Variants in MAST4 observed in about 807,000 individuals in gnomAD.
The protein encoded by MAST4 is microtubule associated serine/threonine kinase family member 4.
In MAST4, 89 loss-of-function variants were observed where a neutral mutation model predicts 162.7. The ratio of observed to expected loss-of-function variants is 0.55; its 90% CI spans 0.46 to 0.65. The LOEUF (loss-of-function observed/expected upper bound fraction) is 0.65, where lower values mean the gene tolerates loss of function less well. Ranked by LOEUF, MAST4 falls within the 30% of genes least tolerant of loss-of-function variation. The probability of loss-of-function intolerance (pLI) is 0.00; values close to 1 mark genes in which losing one functional copy is unlikely to be tolerated. For missense variants in MAST4, 3,153 were observed against 3,374.0 expected (o/e 0.93, Z 1.62); for synonymous variants, 1,479 against 1,361.1 (o/e 1.09, Z -1.91).
chr5:66,950,262 G>C lies in MAST4; in HGVS notation c.674+50280G>C, dbSNP rs151029185. ...TTTTTCTTTTTTTTCTTAGTTGTGG[G>C]GAATATACCTAACATAAAATTTTTG... On this transcript the variant is annotated intron_variant, in intron 4 of 28. Coordinates refer to ENST00000403625, the MANE Select transcript of MAST4 (RefSeq NM_001164664.2). Among the ~76,000 whole-genome samples, 641 of 151,298 alleles carry C rather than the reference G, an allele frequency of 4.2e-3. 3 individuals are homozygous for C. Among genetic ancestry groups the C allele is most frequent in the Non-Finnish European group, 6.8e-3 (459 of 67,852 alleles).
chr5:66,859,346 C>T (rs956118265), intron 3 of MAST4, among the ~76,000 whole-genome samples: 1 of 152,124 alleles, frequency 6.6e-6, no homozygotes, highest in African/African-American at 2.4e-5. Context: ...TTTAGACATT[C>T]CTTAATACTA....
In MAST4 at chr5:66,857,464, C is replaced by G. The variant is rs183988355; in HGVS notation, c.643-42487C>G. Among the ~76,000 whole-genome samples, 90 of 152,290 alleles carry G rather than the reference C, an allele frequency of 5.9e-4. 1 individual carries two copies. In the East Asian group the frequency reaches 0.015, roughly 25 times the overall value. ...GGTTCTATAGTATACACATTTTTAACCTTAATGGATATTGCAGTAAACTTG... is the reference window on the plus strand; with the variant it reads ...GGTTCTATAGTATACACATTTTTAAGCTTAATGGATATTGCAGTAAACTTG... On this transcript the variant is annotated intron_variant, in intron 3 of 28. Coordinates refer to ENST00000403625, the MANE Select transcript of MAST4 (RefSeq NM_001164664.2).
At chr5:67,035,214 C>T (rs563144603) in intron 4 of MAST4, among the ~76,000 whole-genome samples, 16 of 152,212 alleles carry the variant, frequency 1.1e-4, no homozygotes, top group African/African-American at 3.9e-4. Context: ...CTTTGATTAG[C>T]GTTGCTGTGA....
rs1376592393 is a variant in MAST4 at position 66,830,431 on chromosome 5, A to C, written c.642+41637A>C. On this transcript the variant is annotated intron_variant, in intron 3 of 28. Coordinates refer to ENST00000403625, the MANE Select transcript of MAST4 (RefSeq NM_001164664.2). ...AAAATAATGGAGCTATTTTCTATTT[A>C]AAATATTTGCTACAAAACAAAGGAA... Among the ~76,000 whole-genome samples, 4 of 152,168 alleles carry C rather than the reference A, an allele frequency of 2.6e-5. 1 individual carries two copies. Among genetic ancestry groups the C allele is most frequent in the Non-Finnish European group, 5.9e-5 (4 of 68,008 alleles).
intron 4 of MAST4, among the ~76,000 whole-genome samples, chr5:66,947,376 G>C (rs918013591): frequency 1.5e-4 from 23 of 152,180 alleles, no homozygotes; most frequent in African/African-American, 5.5e-4. Flanking sequence ...TCCCTACAAA[G>C]AAAAATGTAT....
chr5:66,740,299 C>T (rs906681964), intron 1 of MAST4, among the ~76,000 whole-genome samples: 1 of 152,214 alleles, frequency 6.6e-6, no homozygotes, highest in African/African-American at 2.4e-5. Flanking sequence ...TATGTCTTGG[C>T]TCAGAACATT....
chr5:66,722,460 T>C (rs1021257515), intron 1 of MAST4, among the ~76,000 whole-genome samples: 1 of 151,484 alleles, frequency 6.6e-6, no homozygotes, highest in African/African-American at 2.4e-5. Flanking sequence ...TGGGTTTTTT[T>C]TTTTTTACAT....
chr5:66,910,776 G>T (rs1763705082), intron 4 of MAST4, among the ~76,000 whole-genome samples: 1 of 116,448 alleles, frequency 8.6e-6, no homozygotes, highest in African/African-American at 3.6e-5. Flanking sequence ...TTTTGAGATG[G>T]AATCTCACTC....
intron 2 of MAST4, among the ~76,000 whole-genome samples, chr5:66,772,836 T>C (rs1404990415): frequency 6.6e-6 from 1 of 152,156 alleles, no homozygotes; most frequent in Non-Finnish European, 1.5e-5. Context: ...TCAAGGTCCC[T>C]TTGAGTTGAG....
At position 66,720,563 on chromosome 5, in the gene MAST4, A is replaced by G. The variant is rs1286050497; in HGVS notation, c.364-39146A>G. Among the ~76,000 whole-genome samples, 6 of 152,176 alleles carry G rather than the reference A, an allele frequency of 3.9e-5. 1 individual carries two copies. In the South Asian group the frequency reaches 1.0e-3, roughly 26 times the overall value. On this transcript the variant is annotated intron_variant, in intron 1 of 28. Transcript: ENST00000403625. ...TTCCTTTGTCTCTTTGGCTCTATCC[A>G]TCTTATTTCCTATGTTGTATAATTG...
At chr5:66,691,609 C>T (rs192229376) in intron 1 of MAST4, among the ~76,000 whole-genome samples, 9 of 152,202 alleles carry the variant, frequency 5.9e-5, no homozygotes, top group East Asian at 1.9e-4. Context: ...GCAGATTCAT[C>T]GTCTCGTTAG....
At chr5:66,864,387 G>A (rs527619626) in intron 3 of MAST4, among the ~76,000 whole-genome samples, 5 of 152,254 alleles carry the variant, frequency 3.3e-5, no homozygotes, top group African/African-American at 1.2e-4. Flanking sequence ...GCAAAGACCA[G>A]TGTGGCTGCA....
In MAST4 at chr5:67,166,347, G is replaced by A. The variant is rs981721875; in HGVS notation, c.7168G>A (p.Gly2390Ser). ...AGCAGAGGGCGACAAGCTCGAGGCC[G>A]GCCTTTCCTTTGTGCATAGCGAGAA... ...APAEGDKLEA[G>S]LSFVHSENRL... The change falls in exon 29 of 29, where the codon GGC (glycine) becomes AGC (serine). Residue 2390 changes from glycine to serine, a missense_variant. Physicochemically the swap from Gly to Ser is moderately conservative, Grantham distance 56. Transcript: ENST00000403625. 4.4e-6 allele frequency: 7 copies of A among 1,607,440 alleles called. No homozygotes were observed. In the African/African-American group the frequency reaches 8.0e-5, roughly 18 times the overall value.
chr5:66,741,052 G>A (rs1224071933), intron 1 of MAST4, among the ~76,000 whole-genome samples: 1 of 152,192 alleles, frequency 6.6e-6, no homozygotes, highest in Admixed American at 6.6e-5. Flanking sequence ...AGGAGACATT[G>A]CTCACCCACC....
intron 3 of MAST4, among the ~76,000 whole-genome samples, chr5:66,805,463 A>G (rs1366259733): frequency 6.6e-6 from 1 of 152,120 alleles, no homozygotes; most frequent in Non-Finnish European, 1.5e-5. Context: ...ACTTCTCCCC[A>G]TTTTAGCATT....
At chr5:66,897,107 C>G (rs1179735445) in intron 3 of MAST4, among the ~76,000 whole-genome samples, 3 of 151,920 alleles carry the variant, frequency 2.0e-5, no homozygotes, top group African/African-American at 7.2e-5. Context: ...TTTCTTTAAT[C>G]CAGTGTCAAC....
intron 4 of MAST4, among the ~76,000 whole-genome samples, chr5:67,027,118 C>T (rs1166298982): frequency 1.3e-5 from 2 of 152,094 alleles, no homozygotes; most frequent in East Asian, 3.9e-4. Context: ...GGATATTTAT[C>T]TACATTTTTA....
chr5:67,049,211 CT>C (rs1040658162), intron 4 of MAST4, among the ~76,000 whole-genome samples: 11 of 151,026 alleles, frequency 7.3e-5, no homozygotes, highest in African/African-American at 2.7e-4. Context: ...GTTTCTATAT[CT>C]TTTTTAAAGA....
intron 4 of MAST4, among the ~76,000 whole-genome samples, chr5:67,000,425 G>A (rs1751146635): frequency 6.6e-6 from 1 of 152,140 alleles, no homozygotes; most frequent in Non-Finnish European, 1.5e-5. Context: ...TTTTAACATT[G>A]TTCTACGTGG....
Sources: allele counts gnomAD v4.1 joint callset (sites outside exome capture counted in the v4.1 genomes callset), GRCh38; gene constraint gnomAD v4.1.1; transcripts MANE v1.5; gene names NCBI Gene and HGNC (gene_info 2026-07-23, HGNC 2026-07-21).